Variants in HPGD observed in about 807,000 individuals in gnomAD.
HPGD encodes 15-hydroxyprostaglandin dehydrogenase [NAD(+)].
Under a neutral mutation model 30.0 loss-of-function variants are expected in HPGD, and 29 were observed. That is an observed-to-expected ratio of 0.97 (90% CI 0.72 to 1.32). The LOEUF (loss-of-function observed/expected upper bound fraction) is 1.32. HPGD is among the 40% of genes most tolerant of loss of function. The pLI is 0.00. For synonymous variants in HPGD, 99 were observed against 112.4 expected, an observed-to-expected ratio of 0.88 and a Z score of 0.75; for missense variants, 340 against 322.1, an observed-to-expected ratio of 1.06 and a Z score of -0.43.
intron 2 of HPGD, among the ~76,000 whole-genome samples, chr4:174,521,432 T>G (rs2110886430): frequency 6.6e-6 from 1 of 152,322 alleles, no homozygotes; most frequent in South Asian, 2.1e-4. Flanking sequence ...TAAAGTACTG[T>G]CTCATTGGGG....
intron 4 of HPGD, among the ~76,000 whole-genome samples, chr4:174,501,025 T>A (rs1734875022): frequency 6.6e-6 from 1 of 152,206 alleles, no homozygotes; most frequent in African/African-American, 2.4e-5. Flanking sequence ...CTGGACTGTT[T>A]CTAATCTTAA....
At position 174,494,172 on chromosome 4, in the gene HPGD, A is replaced by C. The variant is rs1327206209; in HGVS notation, c.499-858T>G. 1.3e-5 allele frequency among the ~76,000 whole-genome samples: 2 copies of C among 152,192 alleles called. No individual in the cohort carries two copies. Among genetic ancestry groups the C allele is most frequent in the East Asian group, 3.8e-4 (2 of 5,198 alleles). On this transcript the variant is annotated intron_variant, in intron 5 of 6. Transcript: ENST00000296522. This position sits in a 1 kb window ranked among gnomAD's most constrained non-coding sequence, Gnocchi z 4.9. ...TGTACAGAAAATATTTGTGTTAGATAAATTTTGATCAGGCATGAGTAATAA... is the reference window on the plus strand; with the variant it reads ...TGTACAGAAAATATTTGTGTTAGATCAATTTTGATCAGGCATGAGTAATAA...
At chr4:174,511,030 C>G (rs2110843652) in intron 3 of HPGD, among the ~76,000 whole-genome samples, 1 of 152,206 alleles carries the variant, frequency 6.6e-6, no homozygotes, top group South Asian at 2.1e-4. Flanking sequence ...TTCACATAAA[C>G]TATGGTTTAT....
At position 174,508,241 on chromosome 4, in the gene HPGD, C is replaced by G. The variant is rs139435507; in HGVS notation, c.421+455G>C. On this transcript the variant is annotated intron_variant, in intron 4 of 6. Transcript: ENST00000296522. ...CGAGTTAAGGAATGTGCTTATACTA[C>G]ATGTAAGTTTGGCTTTATTTATTAG... 5.3e-3 allele frequency: 3,447 copies of G among 647,470 alleles called. 14 individuals carry two copies. Among genetic ancestry groups the G allele is most frequent in the Non-Finnish European group, 6.7e-3 (2,379 of 353,288 alleles). 40.1% of individuals were successfully genotyped at this position (647,470 alleles called of 1,614,324 possible).
At chr4:174,499,911 C>T (rs915166051) in intron 4 of HPGD, among the ~76,000 whole-genome samples, 10 of 152,096 alleles carry the variant, frequency 6.6e-5, no homozygotes, top group Non-Finnish European at 1.3e-4. Flanking sequence ...TTATTCACTC[C>T]TGAGGATAAA....
intron 2 of HPGD, 99 bp from the exon 3 acceptor site, chr4:174,518,176 T>A (rs947104503): frequency 3.0e-6 from 2 of 661,662 alleles, no homozygotes; most frequent in Middle Eastern, 3.9e-4. Context: ...TTATTTACCC[T>A]CATAGTGAAA....
chr4:174,509,598 C>A (rs1259255600), intron 3 of HPGD, among the ~76,000 whole-genome samples: 1 of 152,128 alleles, frequency 6.6e-6, no homozygotes, highest in Non-Finnish European at 1.5e-5. Context: ...AAATGGACAA[C>A]CCCTATTTCC....
At chr4:174,501,835 A>G (rs1217316480) in intron 4 of HPGD, among the ~76,000 whole-genome samples, 1 of 152,170 alleles carries the variant, frequency 6.6e-6, no homozygotes, top group Non-Finnish European at 1.5e-5. Flanking sequence ...TATTCTTCAT[A>G]ATCTTTCTAC....
intron 2 of HPGD, among the ~76,000 whole-genome samples, chr4:174,518,609 A>C (rs2110874467): frequency 6.6e-6 from 1 of 152,292 alleles, no homozygotes; most frequent in East Asian, 1.9e-4. Flanking sequence ...GGGAGTTTTT[A>C]TATCTTAGTA....
chr4:174,501,872 C>A (rs1357129891), intron 4 of HPGD, among the ~76,000 whole-genome samples: 1 of 152,114 alleles, frequency 6.6e-6, no homozygotes, highest in Non-Finnish European at 1.5e-5. Flanking sequence ...CAGTTTTAAT[C>A]ATTTCACAGA....
chr4:174,492,226 C>G lies in HPGD; in HGVS notation c.663-132G>C, dbSNP rs1200860731. 3 of 766,920 alleles carry G rather than the reference C, an allele frequency of 3.9e-6. No homozygotes were observed. The East Asian group carries it at 7.5e-5, about 19-fold the overall frequency. 47.5% of individuals were successfully genotyped at this position (766,920 alleles called of 1,614,324 possible). On this transcript the variant is annotated intron_variant, in intron 6 of 6. Transcript: ENST00000296522. The surrounding 1 kb of genome is among the most constrained non-coding windows in gnomAD (Gnocchi z 4.9). ...AATGTGTGTCATTAAACTATTGCTA[C>G]TTCCAATTTTTATTTAATTCCATAT... is the stretch of plus-strand genomic sequence containing the variant.
Position 174,522,414 on chromosome 4 carries a change from G to A in HPGD, c.38C>T (p.Ala13Val). Residue 13 changes from alanine to valine, a missense_variant, in exon 1 of 7, where the codon GCG becomes GTG. Ala to Val is a moderately conservative substitution (Grantham distance 64). Coordinates refer to ENST00000296522, the MANE Select transcript of HPGD (RefSeq NM_000860.6). ...AAAGGCTCTGCCTATGCCCTGAGCC[G>A]CGCCGGTCACCAGCGCCACTTTGCC... is the stretch of plus-strand genomic sequence containing the variant. ...VNGKVALVTG[A>V]AQGIGRAFAE... is the part of the protein sequence containing the mutation. 6.3e-7 allele frequency: 1 copy of A among 1,583,974 alleles called. No homozygotes were observed. Among genetic ancestry groups the A allele is most frequent in the Non-Finnish European group, 8.6e-7 (1 of 1,165,948 alleles).
intron 4 of HPGD, among the ~76,000 whole-genome samples, chr4:174,497,081 G>C (rs1734634789): frequency 6.6e-6 from 1 of 152,160 alleles, no homozygotes; most frequent in Non-Finnish European, 1.5e-5. Context: ...AGGAGTTGCT[G>C]CTTCTGGTTC....
intron 4 of HPGD, chr4:174,506,958 G>A (rs1735221391): frequency 1.3e-5 from 2 of 152,142 alleles, no homozygotes; most frequent in Non-Finnish European, 2.9e-5. Context: ...CTTTATGAAA[G>A]AATACAGAGA....
chr4:174,498,201 G>A (rs1194644143), intron 4 of HPGD, among the ~76,000 whole-genome samples: 1 of 152,076 alleles, frequency 6.6e-6, no homozygotes, highest in Non-Finnish European at 1.5e-5. Flanking sequence ...ACCTGCCTTG[G>A]CCTCCCAAAG....
chr4:174,516,405 A>G (rs1735774508), intron 3 of HPGD, among the ~76,000 whole-genome samples: 1 of 152,184 alleles, frequency 6.6e-6, no homozygotes, highest in Non-Finnish European at 1.5e-5. Context: ...CAAATACCTC[A>G]TGTTCTCACT....
intron 4 of HPGD, among the ~76,000 whole-genome samples, chr4:174,497,690 G>T (rs1734695647): frequency 7.0e-6 from 1 of 141,938 alleles, no homozygotes; most frequent in African/African-American, 2.6e-5. Context: ...GGATTCTCCT[G>T]CCTCAGCCTC....
chr4:174,492,223 C>G lies in HPGD; in HGVS notation c.663-129G>C. 1.3e-6 allele frequency: 1 copy of G among 788,982 alleles called. No individual in the cohort carries two copies. Among genetic ancestry groups the G allele is most frequent in the South Asian group, 1.6e-5 (1 of 63,904 alleles). 48.9% of individuals were successfully genotyped at this position (788,982 alleles called of 1,614,324 possible). ...GGAAATGTGTGTCATTAAACTATTG[C>G]TACTTCCAATTTTTATTTAATTCCA... On this transcript the variant is annotated intron_variant, in intron 6 of 6. Coordinates refer to ENST00000296522, the MANE Select transcript of HPGD (RefSeq NM_000860.6). The surrounding 1 kb of genome is among the most constrained non-coding windows in gnomAD (Gnocchi z 4.9).
chr4:174,521,916 A>T lies in HPGD; in HGVS notation c.217+28T>A, dbSNP rs765128155. ...TGTTGCTTGTTGAGAGCACGTTCCC[A>T]GTTGACAGATTGATTCCCCTGTCTT... is the stretch of plus-strand genomic sequence containing the variant. On this transcript the variant is annotated intron_variant, in intron 2 of 6. Coordinates refer to ENST00000296522, the MANE Select transcript of HPGD (RefSeq NM_000860.6). 2.0e-4 allele frequency: 326 copies of T among 1,613,790 alleles called. 2 individuals carry two copies. The South Asian group carries it at 3.4e-3, about 17-fold the overall frequency.
Sources: allele counts gnomAD v4.1 joint callset (sites outside exome capture counted in the v4.1 genomes callset), GRCh38; gene constraint gnomAD v4.1.1; non-coding constraint Gnocchi (gnomAD v3.1); transcripts MANE v1.5; gene names NCBI Gene and HGNC (gene_info 2026-07-23, HGNC 2026-07-21).